The following NLRP4 variants were observed in gnomAD, a reference collection of about 807,000 sequenced individuals.
NLRP4 encodes NLR family pyrin domain containing 4, also known as NACHT, LRR and PYD domains-containing protein 4.
A neutral mutation model predicts 84.7 loss-of-function variants in NLRP4; 44 were observed. The observed-to-expected ratio is 0.52, with a 90% CI of 0.41 to 0.67. NLRP4 has a LOEUF of 0.67. NLRP4 is among the 30% of genes least tolerant of loss of function. The pLI is 0.00. For synonymous variants in NLRP4, 544 were observed against 476.4 expected (o/e 1.14, Z -1.85); for missense variants, 1,260 against 1,219.4 (o/e 1.03, Z -0.50).
intron 2 of NLRP4, among the ~76,000 whole-genome samples, chr19:55,854,515 T>G (rs1222471943): frequency 6.6e-6 from 1 of 152,202 alleles, no homozygotes; most frequent in Non-Finnish European, 1.5e-5. Context: ...TATGAGACAT[T>G]GAAAATGTTA....
chr19:55,861,389 G>A lies in NLRP4; in HGVS notation c.1860G>A (p.Ser620=), dbSNP rs140046311. Residue 620 remains serine (S), a synonymous_variant, in exon 4 of 10, where the codon TCG becomes TCA. Coordinates refer to ENST00000301295, the MANE Select transcript of NLRP4 (RefSeq NM_134444.5). ...GCTCGTCCTTTCTTGACCACAGGTC[G>A]GATTACAGCCTCATCTGTTGGCATC... The part of the protein sequence containing the change: ...FKKEDEHSST[S]DYSLICWHHI... The A allele has an allele frequency of 2.0e-5, 32 of 1,612,870 alleles. No individual in the cohort carries two copies. The highest frequency in any genetic ancestry group is 5.5e-5 in the South Asian group (5 of 90,900).
chr19:55,858,783 T>G lies in NLRP4; in HGVS notation c.1390T>G (p.Tyr464Asp), dbSNP rs1419719326. ...CIQEFCAALF[Y>D]LLKSHLDHPH... ...CCAGGAGTTCTGTGCCGCCTTGTTC[T>G]ATTTGCTCAAGAGCCACCTTGATCA... Residue 464 changes from tyrosine (Y) to aspartate (D), a missense_variant, in exon 3 of 10, where the codon TAT becomes GAT. This residue lies in a region of NLRP4 where 712 missense variants were observed against 669.2 expected (regional missense o/e 1.06). Coordinates refer to ENST00000301295, the MANE Select transcript of NLRP4 (RefSeq NM_134444.5). The surrounding 1 kb of genome is among the most constrained non-coding windows in gnomAD (Gnocchi z 4.2). 1 of 1,614,242 alleles carries G rather than the reference T, an allele frequency of 6.2e-7. No homozygotes were observed. Among genetic ancestry groups the G allele is most frequent in the Non-Finnish European group, 8.5e-7 (1 of 1,180,032 alleles).
intron 1 of NLRP4, among the ~76,000 whole-genome samples, chr19:55,850,379 G>GGTGTAATGTCCGAGGCTGCA (rs1984039760): frequency 3.6e-5 from 2 of 54,946 alleles, no homozygotes; most frequent in Non-Finnish European, 5.7e-5. Flanking sequence ...CCGAGGCTGC[G>GGTGTAATGTCCGAGGCTGCA]GTGTAATGTC....
chr19:55,881,379 T>G, intron 9 of NLRP4, 91 bp from the exon 10 acceptor site: 1 of 684,540 alleles, frequency 1.5e-6, no homozygotes, highest in Non-Finnish European at 2.6e-6. Flanking sequence ...TTCCTAGGCT[T>G]GTCCTGGGAT....
At chr19:55,857,262 GTA>G (rs1050421651) in intron 2 of NLRP4, among the ~76,000 whole-genome samples, 1 of 151,720 alleles carries the variant, frequency 6.6e-6, no homozygotes, top group Non-Finnish European at 1.5e-5. Flanking sequence ...AGCAATGAAT[GTA>G]TATGTGTGTG....
At chr19:55,878,722 T>A in intron 8 of NLRP4, 72 bp from the exon 9 acceptor site, 1 of 1,390,616 alleles carries the variant, frequency 7.2e-7, no homozygotes, top group Non-Finnish European at 9.9e-7. Flanking sequence ...CAACTAGACG[T>A]CTAGCTCACA....
At chr19:55,849,359 C>T (rs376574951) in intron 1 of NLRP4, among the ~76,000 whole-genome samples, 6 of 152,158 alleles carry the variant, frequency 3.9e-5, no homozygotes, top group African/African-American at 7.2e-5. Flanking sequence ...TGTAACAGTA[C>T]CGTAGACTAA....
intron 1 of NLRP4, among the ~76,000 whole-genome samples, chr19:55,848,925 C>T (rs963044018): frequency 6.6e-6 from 1 of 152,134 alleles, no homozygotes; most frequent in Admixed American, 6.5e-5. Flanking sequence ...GGGGAAACCC[C>T]TGTCGTTTGG....
intron 6 of NLRP4, among the ~76,000 whole-genome samples, chr19:55,869,486 G>T (rs571789500): frequency 6.6e-6 from 1 of 152,290 alleles, no homozygotes; most frequent in Admixed American, 6.5e-5. Flanking sequence ...TGGAAATGCA[G>T]ATCTTGTGTC....
In NLRP4 at chr19:55,858,050, C is replaced by T. The variant is rs754739238; in HGVS notation, c.657C>T (p.Ile219=). 28 of 1,614,006 alleles carry T rather than the reference C, an allele frequency of 1.7e-5. No homozygotes were observed. The highest frequency in any genetic ancestry group is 4.5e-5 in the East Asian group (2 of 44,888). Residue 219 remains isoleucine, a synonymous_variant, in exon 3 of 10, where the codon ATC becomes ATT. Coordinates refer to ENST00000301295, the MANE Select transcript of NLRP4 (RefSeq NM_134444.5). This position sits in a 1 kb window ranked among gnomAD's most constrained non-coding sequence, Gnocchi z 4.2. ...WPDPAAPITE[I]VSQPERLLFV... is the part of the protein sequence containing the mutation. ...ACCCCGCTGCTCCTATAACAGAGAT[C>T]GTGTCTCAACCGGAGAGACTCTTGT... is the stretch of plus-strand genomic sequence containing the variant.
At position 55,836,661 on chromosome 19, in the gene NLRP4, C is replaced by T. The variant is rs1983316837; in HGVS notation, c.-339C>T. The T allele has an allele frequency of 6.6e-6, 1 of 152,456 alleles. No homozygotes were observed. Among genetic ancestry groups the T allele is most frequent in the African/African-American group, 2.4e-5 (1 of 41,426 alleles). 9.4% of individuals were successfully genotyped at this position (152,456 alleles called of 1,614,324 possible). On this transcript the variant is annotated 5_prime_UTR_variant, in exon 1 of 10. Coordinates refer to ENST00000301295, the MANE Select transcript of NLRP4 (RefSeq NM_134444.5). ...TTTCTTTCTCCCTTTTACCCTGTCT[C>T]CTTTCTTGAGGCTGATCGATCACAG...
At chr19:55,875,129 A>G (rs1258289690) in intron 7 of NLRP4, among the ~76,000 whole-genome samples, 3 of 152,204 alleles carry the variant, frequency 2.0e-5, no homozygotes, top group Non-Finnish European at 4.4e-5. Context: ...TCTAAAGCAA[A>G]CATTTGTCTA....
chr19:55,849,768 C>G (rs762012351), intron 1 of NLRP4, among the ~76,000 whole-genome samples: 9 of 152,210 alleles, frequency 5.9e-5, no homozygotes, highest in Non-Finnish European at 1.2e-4. Context: ...AATGTAATTT[C>G]TGTAGCTGCG....
At chr19:55,851,005 A>C (rs1460680554) in intron 1 of NLRP4, among the ~76,000 whole-genome samples, 1 of 115,506 alleles carries the variant, frequency 8.7e-6, no homozygotes, top group Non-Finnish European at 1.6e-5. Context: ...CTGCGGTGTA[A>C]TGTCCGTGGC....
chr19:55,864,932 T>C (rs1424859213), intron 5 of NLRP4, among the ~76,000 whole-genome samples: 1 of 152,200 alleles, frequency 6.6e-6, no homozygotes, highest in African/African-American at 2.4e-5. Context: ...AAAACTTTTA[T>C]TTTACATTCA....
intron 7 of NLRP4, among the ~76,000 whole-genome samples, 171 bp downstream of exon 7, chr19:55,871,168 G>A (rs1985167089): frequency 6.6e-6 from 1 of 152,162 alleles, no homozygotes; most frequent in East Asian, 1.9e-4. Context: ...AAACAAATCA[G>A]CACCCTGACT....
rs1337668519 is a variant in NLRP4 at position 55,878,799 on chromosome 19, A to C, written c.2702A>C (p.Glu901Ala). 1.2e-6 allele frequency: 2 copies of C among 1,610,820 alleles called. No individual in the cohort carries two copies. Among genetic ancestry groups the C allele is most frequent in the African/African-American group, 1.3e-5 (1 of 74,990 alleles). ...TDCRLEILGL[E>A]ECGLTSTCCK... is the part of the protein sequence containing the mutation. ...CATGTGTCTTTTTATTGCAGGTTGG[A>C]AGAATGTGGGTTAACGAGCACCTGC... is the stretch of plus-strand genomic sequence containing the variant. Residue 901 changes from glutamate (E) to alanine (A), a missense_variant, in exon 9 of 10, where the codon GAA (glutamate) becomes GCA (alanine). Transcript: ENST00000301295.
In NLRP4 at chr19:55,878,855, A is replaced by G. The variant is rs983189428; in HGVS notation, c.2758A>G (p.Ser920Gly). 1.2e-6 allele frequency: 2 copies of G among 1,614,012 alleles called. No individual in the cohort carries two copies. Among genetic ancestry groups the G allele is most frequent in the South Asian group, 1.1e-5 (1 of 91,066 alleles). Residue 920 changes from serine (S) to glycine (G), a missense_variant, in exon 9 of 10, where the codon AGT (serine) becomes GGT (glycine). Transcript: ENST00000301295. Reference sequence around the variant, plus strand: ...GGATCTCGCGTCTGTTCTCACCTGCAGTAAGACCCTGCAGCAGCTCAACCT... The same window carrying G: ...GGATCTCGCGTCTGTTCTCACCTGCGGTAAGACCCTGCAGCAGCTCAACCT... ...CKDLASVLTC[S>G]KTLQQLNLTL...
rs200982636 is a variant in NLRP4, at chr19:55,862,190, G to A, written c.2186+31G>A. 3 of 1,489,920 alleles carry A rather than the reference G, an allele frequency of 2.0e-6. No homozygotes were observed. In the East Asian group the frequency reaches 6.9e-5, roughly 34 times the overall value. The allele number at this position is 1,489,920 out of a possible 1,614,324, so 92.3% of individuals were successfully genotyped here. On this transcript the variant is annotated intron_variant, in intron 5 of 9. Coordinates refer to ENST00000301295, the MANE Select transcript of NLRP4 (RefSeq NM_134444.5). ...TCTCCGTTTATTGAGACCACTGATT[G>A]GGTTTCAGAGAAGACTATAGCCTAA...
Sources: gnomAD v4.1 joint callset for allele counts (sites outside exome capture counted in the v4.1 genomes callset) on GRCh38, gnomAD v4.1.1 for gene constraint, gnomAD v4.1.1 regional missense constraint, Gnocchi (gnomAD v3.1) non-coding constraint, MANE v1.5 for transcripts, NCBI Gene and HGNC (gene_info 2026-07-23, HGNC 2026-07-21) for gene names.